The following MYOF variants were observed in gnomAD, a reference collection of about 807,000 sequenced individuals.
MYOF encodes fer-1-like 3, myoferlin.
MYOF carries 244 observed loss-of-function variants against 284.2 expected under a neutral mutation model. The observed-to-expected ratio is 0.86, with a 90% CI of 0.77 to 0.95. The LOEUF is 0.95. MYOF is among the 40% of genes least tolerant of loss of function. The pLI is 0.00. For missense variants in MYOF, 2,496 were observed against 2,560.6 expected (o/e 0.97, Z 0.54); for synonymous variants, 904 against 919.7 (o/e 0.98, Z 0.31).
In MYOF at chr10:93,366,448, A is replaced by G; in HGVS notation, c.2697T>C (p.Phe899=). 6.2e-7 allele frequency: 1 copy of G among 1,614,118 alleles called. No homozygotes were observed. The highest frequency in any genetic ancestry group is 8.5e-7 in the Non-Finnish European group (1 of 1,180,006). The change falls in exon 26 of 54, where the codon TTT becomes TTC. Residue 899 remains phenylalanine, a synonymous_variant. Transcript: ENST00000359263. Reference sequence around the variant, plus strand: ...CCCATTCCCAGCCTTTTGGAGGCAGAAAAAATTCCCTCTTGAGTTTTATTT... The same window carrying G: ...CCCATTCCCAGCCTTTTGGAGGCAGGAAAAATTCCCTCTTGAGTTTTATTT... The part of the protein sequence containing the change: ...TGKIKLKREF[F]LPPKGWEWEG...
chr10:93,423,628 T>G (rs1848449389), intron 5 of MYOF, among the ~76,000 whole-genome samples: 2 of 148,684 alleles, frequency 1.3e-5, no homozygotes. Flanking sequence ...GGTCAGGAGA[T>G]TGAGACCATC....
At chr10:93,427,672 TTCTGTTGC>T (rs1276079813) in intron 4 of MYOF, among the ~76,000 whole-genome samples, 2 of 152,030 alleles carry the variant, frequency 1.3e-5, no homozygotes, top group Non-Finnish European at 2.9e-5. Flanking sequence ...TAATTGCCAT[TTCTGTTGC>T]ATAATCTGTG....
intron 16 of MYOF, among the ~76,000 whole-genome samples, chr10:93,394,164 C>T (rs767218107): frequency 2.6e-4 from 40 of 152,212 alleles, no homozygotes; most frequent in Middle Eastern, 6.8e-3. Flanking sequence ...TGTAATGGTG[C>T]AATCTCGGCT....
rs34488205 is a variant in MYOF, at chr10:93,441,997, A to AACACACACAC, written c.236+10043_236+10052dup. Among the ~76,000 whole-genome samples the AACACACACAC allele has an allele frequency of 5.6e-3, 746 of 133,026 alleles. 12 individuals are homozygous for AACACACACAC. The highest frequency in any genetic ancestry group is 0.014 in the African/African-American group (477 of 34,878). The allele number at this position is 133,026 out of a possible 152,430, so 87.3% of individuals were successfully genotyped here. ...TTTTAGCACCCTGGCCCTCAACCTGAACACACACACACACACACACACACA... is the reference window on the plus strand; with the variant it reads ...TTTTAGCACCCTGGCCCTCAACCTGAACACACACACACACACACACACACACACACACACA... On this transcript the variant is annotated intron_variant, in intron 3 of 53. Coordinates refer to ENST00000359263, the MANE Select transcript of MYOF (RefSeq NM_013451.4).
In MYOF at chr10:93,349,876, C is replaced by G; in HGVS notation, c.4015G>C (p.Glu1339Gln). Residue 1339 changes from glutamate to glutamine, a missense_variant, in exon 36 of 54, where the codon GAA becomes CAA. Transcript: ENST00000359263. ...LVVECGGERV[E>Q]SVVIKNLKKT... ...TTAAGGTTTTTGATCACCACCGATT[C>G]CACCCTTTCTCCTCCACACTCCACA... 6.2e-7 allele frequency: 1 copy of G among 1,614,062 alleles called. No homozygotes were observed. Among genetic ancestry groups the G allele is most frequent in the South Asian group, 1.1e-5 (1 of 91,076 alleles).
At chr10:93,333,935 A>G in intron 41 of MYOF, 22 bp from the exon 42 acceptor site, 1 of 1,610,066 alleles carries the variant, frequency 6.2e-7, no homozygotes, top group Non-Finnish European at 8.5e-7. Flanking sequence ...AGACAGAAGG[A>G]CTCACAGGGC....
intron 3 of MYOF, among the ~76,000 whole-genome samples, chr10:93,433,547 G>A (rs527826849): frequency 3.3e-4 from 50 of 152,202 alleles, no homozygotes; most frequent in Middle Eastern, 3.2e-3. Flanking sequence ...AAAATCATTA[G>A]CATAAAAATA....
At position 93,456,956 on chromosome 10, in the gene MYOF, A is replaced by T; in HGVS notation, c.89-19T>A. ...TTCTCATCTGCAAAAGAGATAAAGG[A>T]AGAGACAGCAATCATTTATAAAAAA... On this transcript the variant is annotated intron_variant, in intron 1 of 53. Transcript: ENST00000359263. 6.4e-7 allele frequency: 1 copy of T among 1,570,218 alleles called. No homozygotes were observed. The highest frequency in any genetic ancestry group is 1.1e-5 in the South Asian group (1 of 88,094).
At chr10:93,319,499 A>G (rs534882534) in intron 49 of MYOF, among the ~76,000 whole-genome samples, 2 of 152,160 alleles carry the variant, frequency 1.3e-5, no homozygotes, top group African/African-American at 2.4e-5. Context: ...AAGGATACCC[A>G]CTTTAATACT....
intron 1 of MYOF, among the ~76,000 whole-genome samples, chr10:93,477,586 C>T (rs1157400488): frequency 6.6e-6 from 1 of 151,554 alleles, no homozygotes; most frequent in Admixed American, 6.6e-5. Flanking sequence ...CAGTGGCTCA[C>T]GCCTGTAATC....
At chr10:93,468,508 G>A (rs1049633647) in intron 1 of MYOF, among the ~76,000 whole-genome samples, 6 of 152,250 alleles carry the variant, frequency 3.9e-5, no homozygotes, top group African/African-American at 1.2e-4. Flanking sequence ...CTCGCTCCAA[G>A]AGATGGTATC....
chr10:93,410,635 C>A (rs1847863230), intron 5 of MYOF, among the ~76,000 whole-genome samples: 1 of 152,126 alleles, frequency 6.6e-6, no homozygotes, highest in Non-Finnish European at 1.5e-5. Context: ...TATTCACGAG[C>A]TCTTTGAAAC....
chr10:93,358,382 A>G (rs1366029563), intron 29 of MYOF, among the ~76,000 whole-genome samples: 1 of 152,200 alleles, frequency 6.6e-6, no homozygotes, highest in African/African-American at 2.4e-5. Flanking sequence ...ATTGTGGAAG[A>G]CAGTGTGGCG....
chr10:93,383,256 G>A (rs1338552629), intron 19 of MYOF, among the ~76,000 whole-genome samples: 1 of 152,166 alleles, frequency 6.6e-6, no homozygotes. Context: ...GAAGCTTGTG[G>A]TCTTGAAGAA....
intron 9 of MYOF, 78 bp downstream of exon 9, chr10:93,403,945 C>G: frequency 6.8e-7 from 1 of 1,467,994 alleles, no homozygotes; most frequent in Non-Finnish European, 9.5e-7. Context: ...CACCAAGATG[C>G]GTACATAGGA....
intron 29 of MYOF, 85 bp from the exon 30 acceptor site, chr10:93,356,933 A>G: frequency 7.7e-7 from 1 of 1,300,798 alleles, no homozygotes; most frequent in Non-Finnish European, 1.1e-6. Flanking sequence ...TGATCAATCA[A>G]CAGATACACA....
chr10:93,394,295 T>C (rs1846851072), intron 16 of MYOF, among the ~76,000 whole-genome samples: 1 of 151,278 alleles, frequency 6.6e-6, no homozygotes, highest in Non-Finnish European at 1.5e-5. Flanking sequence ...AGAGATGGAG[T>C]TTCACCATGT....
chr10:93,337,922 A>AT lies in MYOF; in HGVS notation c.4339-10dup. The AT allele has an allele frequency of 6.2e-7, 1 of 1,602,312 alleles. No individual in the cohort carries two copies. The highest frequency in any genetic ancestry group is 8.5e-7 in the Non-Finnish European group (1 of 1,170,126). On this transcript the variant is annotated splice_polypyrimidine_tract_variant and intron_variant, in intron 39 of 53. Transcript: ENST00000359263. Reference sequence around the variant, plus strand: ...TCCACGATTTCTTCCTCCTAAAGACATGCCAAAATGGAAAAATCTTTAGTG... The same window carrying AT: ...TCCACGATTTCTTCCTCCTAAAGACATTGCCAAAATGGAAAAATCTTTAGTG...
At chr10:93,449,455 G>A (rs2056529545) in intron 3 of MYOF, among the ~76,000 whole-genome samples, 1 of 152,194 alleles carries the variant, frequency 6.6e-6, no homozygotes, top group Non-Finnish European at 1.5e-5. Context: ...TAACATGCAG[G>A]AGGCTAGTGT....
Sources: allele counts gnomAD v4.1 joint callset (sites outside exome capture counted in the v4.1 genomes callset), GRCh38; gene constraint gnomAD v4.1.1; transcripts MANE v1.5; gene names NCBI Gene and HGNC (gene_info 2026-07-23, HGNC 2026-07-21).